SLC1A3: variants seen among roughly 807,000 people sequenced by gnomAD.
SLC1A3 encodes excitatory amino acid transporter 1.
A neutral mutation model predicts 48.1 loss-of-function variants in SLC1A3; 21 were observed. The observed-to-expected ratio is 0.44, with a 90% CI of 0.31 to 0.63. SLC1A3 has a LOEUF of 0.63. Among genes scored for constraint, SLC1A3 ranks in the 20% least tolerant of loss-of-function variants. The pLI, the probability that SLC1A3 is intolerant of heterozygous loss-of-function variation, is 0.08. For synonymous variants in SLC1A3, 239 were observed against 251.4 expected (o/e 0.95, Z 0.47); for missense variants, 546 against 689.0 (o/e 0.79, Z 2.32).
At chr5:36,677,253 T>C (rs1196213635) in intron 6 of SLC1A3, 69 bp downstream of exon 6, 11 of 1,410,486 alleles carry the variant, frequency 7.8e-6, no homozygotes, top group Non-Finnish European at 1.1e-5. Flanking sequence ...TGTTCTGTAC[T>C]GAGGAAGGTG....
chr5:36,600,531 C>T (rs7730144), intron 1 of SLC1A3, among the ~76,000 whole-genome samples: 4 of 151,928 alleles, frequency 2.6e-5, no homozygotes, highest in Admixed American at 6.5e-5. Flanking sequence ...GCCTGGGGTA[C>T]GAGTCAACTA....
chr5:36,612,732 C>T, intron 2 of SLC1A3: 3 of 448,972 alleles, frequency 6.7e-6, no homozygotes, highest in Non-Finnish European at 1.3e-5. Flanking sequence ...AATTTTATTA[C>T]TCTCATTGTA....
intron 3 of SLC1A3, among the ~76,000 whole-genome samples, chr5:36,632,285 C>T (rs1188316747): frequency 8.5e-5 from 13 of 152,180 alleles, no homozygotes; most frequent in Non-Finnish European, 1.5e-5. Flanking sequence ...ACGAAACAAA[C>T]CAGTGCAAAG....
At chr5:36,640,454 G>A (rs1449450560) in intron 3 of SLC1A3, among the ~76,000 whole-genome samples, 1 of 152,132 alleles carries the variant, frequency 6.6e-6, no homozygotes, top group East Asian at 1.9e-4. Context: ...GCCTCATATG[G>A]GGATATAGGC....
intron 2 of SLC1A3, among the ~76,000 whole-genome samples, chr5:36,620,932 G>C (rs112085717): frequency 0.047 from 7,051 of 151,138 alleles, 579 homozygotes; most frequent in African/African-American, 0.16. Flanking sequence ...TTTAGGCAGG[G>C]TCTCTCTCTG....
At chr5:36,675,529 T>C (rs1021017144) in intron 5 of SLC1A3, among the ~76,000 whole-genome samples, 9 of 152,184 alleles carry the variant, frequency 5.9e-5, no homozygotes, top group African/African-American at 2.2e-4. Context: ...CCAGGTCTAG[T>C]TGGCTTAGAC....
intron 5 of SLC1A3, 100 bp downstream of exon 5, chr5:36,674,191 A>C (rs1742110135): frequency 1.0e-6 from 1 of 954,366 alleles, no homozygotes; most frequent in African/African-American, 1.6e-5. Context: ...TGCTATAAGA[A>C]ACACTTCTCT....
At chr5:36,670,680 C>A in intron 3 of SLC1A3, 1 of 385,204 alleles carries the variant, frequency 2.6e-6, no homozygotes, top group East Asian at 6.1e-5. Context: ...CACTCACACA[C>A]GCACTACTCA....
At chr5:36,606,976 A>C (rs1399507851) in intron 1 of SLC1A3, 4 of 152,272 alleles carry the variant, frequency 2.6e-5, no homozygotes, top group Non-Finnish European at 5.9e-5. Context: ...GAGATCTAGA[A>C]AAGGATCAAG....
At chr5:36,597,725 C>T (rs1738761303) in intron 1 of SLC1A3, among the ~76,000 whole-genome samples, 1 of 152,134 alleles carries the variant, frequency 6.6e-6, no homozygotes, top group Non-Finnish European at 1.5e-5. Context: ...GGTCCCCTCA[C>T]AGGACTTGTC....
chr5:36,617,143 G>C (rs186366626), intron 2 of SLC1A3, among the ~76,000 whole-genome samples: 41 of 152,192 alleles, frequency 2.7e-4, no homozygotes, highest in Non-Finnish European at 5.0e-4. Flanking sequence ...TGAGTTCAAA[G>C]TTTTTTCAGA....
At chr5:36,679,929 A>C in intron 7 of SLC1A3, 69 bp downstream of exon 7, 2 of 1,040,456 alleles carry the variant, frequency 1.9e-6, no homozygotes, top group South Asian at 2.6e-5. Context: ...AGTAGGGTGT[A>C]GGAGAAGCCA....
At chr5:36,599,097 T>C (rs1157262363) in intron 1 of SLC1A3, among the ~76,000 whole-genome samples, 1 of 152,192 alleles carries the variant, frequency 6.6e-6, no homozygotes, top group Non-Finnish European at 1.5e-5. Flanking sequence ...TCCTACTAAC[T>C]CTATTCAAGT....
At chr5:36,624,059 C>A (rs1274214910) in intron 2 of SLC1A3, among the ~76,000 whole-genome samples, 3 of 152,112 alleles carry the variant, frequency 2.0e-5, no homozygotes, top group Non-Finnish European at 4.4e-5. Context: ...GTATTCACCG[C>A]ATTTCCTCTT....
intron 8 of SLC1A3, among the ~76,000 whole-genome samples, chr5:36,681,225 A>C (rs1294776219): frequency 6.6e-6 from 1 of 152,156 alleles, no homozygotes; most frequent in Non-Finnish European, 1.5e-5. Flanking sequence ...TCTTTTTTGT[A>C]GTTAGTGAAA....
At chr5:36,670,927 G>C in intron 3 of SLC1A3, 102 bp from the exon 4 acceptor site, 1 of 991,120 alleles carries the variant, frequency 1.0e-6, no homozygotes, top group South Asian at 1.4e-5. Context: ...TGGCTGGGTG[G>C]GATAAGGGTA....
At chr5:36,653,416 T>C (rs72732544) in intron 3 of SLC1A3, among the ~76,000 whole-genome samples, 1,561 of 152,280 alleles carry the variant, frequency 0.01, 16 homozygotes, top group Admixed American at 0.019. Context: ...CCTCCCAAGT[T>C]CCCCTAACTT....
At chr5:36,641,042 TC>T (rs1349286588) in intron 3 of SLC1A3, among the ~76,000 whole-genome samples, 3 of 151,780 alleles carry the variant, frequency 2.0e-5, no homozygotes, top group Non-Finnish European at 4.4e-5. Context: ...CTTGAACAAA[TC>T]ATTAACCAAT....
chr5:36,659,534 T>C (rs1332396509), intron 3 of SLC1A3, among the ~76,000 whole-genome samples: 3 of 152,158 alleles, frequency 2.0e-5, no homozygotes, highest in African/African-American at 7.2e-5. Context: ...GAGTGAGGGA[T>C]TACATACCTT....
Sources: allele counts gnomAD v4.1 joint callset (sites outside exome capture counted in the v4.1 genomes callset), GRCh38; gene constraint gnomAD v4.1.1; transcripts MANE v1.5; gene names NCBI Gene and HGNC (gene_info 2026-07-23, HGNC 2026-07-21).